Variants in QTGAL observed in about 807,000 individuals in gnomAD.
QTGAL encodes the protein queuosine-tRNA galactosyltransferase, also known as BGnT-like protein 1.
At chr17:83,050,236 G>T in the QTGAL span, among the ~76,000 whole-genome samples, 35,511 of 152,072 alleles carry the variant, frequency 0.23, 4,595 homozygotes, top group East Asian at 0.39. Context: ...CTGGTGTGGT[G>T]GTGCATGCCT....
At chr17:83,019,273 A>T in the QTGAL span, among the ~76,000 whole-genome samples, 1 of 152,206 alleles carries the variant, frequency 6.6e-6, no homozygotes, top group Non-Finnish European at 1.5e-5. Context: ...CTCCACAGAG[A>T]ACGGTTCAAA....
chr17:83,046,032 C>T, the QTGAL span, among the ~76,000 whole-genome samples: 20 of 152,128 alleles, frequency 1.3e-4, no homozygotes, highest in African/African-American at 4.8e-4. Context: ...CCATGTTGGG[C>T]AGCTTGGTCT....
At chr17:82,994,639 C>A in the QTGAL span, among the ~76,000 whole-genome samples, 4 of 152,122 alleles carry the variant, frequency 2.6e-5, no homozygotes, top group African/African-American at 9.7e-5. Context: ...TAATACCAAT[C>A]CTACCCAAAT....
chr17:83,008,217 G>T, the QTGAL span, among the ~76,000 whole-genome samples: 1 of 152,202 alleles, frequency 6.6e-6, no homozygotes, highest in Non-Finnish European at 1.5e-5. Context: ...AGGCCTGTGC[G>T]CTGGCCTGAG....
At chr17:82,945,730 C>T in the QTGAL span, 3 of 152,154 alleles carry the variant, frequency 2.0e-5, no homozygotes, top group African/African-American at 7.2e-5. Flanking sequence ...CAGCATCCCC[C>T]TACCCAGCTG....
chr17:83,009,911 G>A, the QTGAL span, among the ~76,000 whole-genome samples: 2 of 149,894 alleles, frequency 1.3e-5, no homozygotes, highest in Non-Finnish European at 1.5e-5. Flanking sequence ...CACTGCCTTG[G>A]AGTGAACGAC....
chr17:82,942,466 C>CCAGTCCTGGAGCCCATACCT, the QTGAL span: 1 of 1,613,962 alleles, frequency 6.2e-7, no homozygotes, highest in African/African-American at 1.3e-5. Flanking sequence ...CCTGCTGAAG[C>CCAGTCCTGGAGCCCATACCT]CAGTCCTGGA....
chr17:82,996,520 T>G, the QTGAL span, among the ~76,000 whole-genome samples: 1 of 63,594 alleles, frequency 1.6e-5, no homozygotes, highest in Non-Finnish European at 3.0e-5. Context: ...AGACTCTGCC[T>G]CAAAAAAAAA....
At chr17:83,046,290 T>C in the QTGAL span, among the ~76,000 whole-genome samples, 4,200 of 148,192 alleles carry the variant, frequency 0.028, 74 homozygotes, top group Non-Finnish European at 0.044. Context: ...CCACCACACC[T>C]GGCTAATTTT....
At chr17:82,997,930 A>AAAAT in the QTGAL span, among the ~76,000 whole-genome samples, 3,117 of 131,536 alleles carry the variant, frequency 0.024, 88 homozygotes, top group Admixed American at 0.091. Context: ...TAAAAAAAAA[A>AAAAT]ATATATATAT....
At chr17:83,043,198 C>T in the QTGAL span, among the ~76,000 whole-genome samples, 3 of 152,186 alleles carry the variant, frequency 2.0e-5, no homozygotes, top group Admixed American at 2.0e-4. Flanking sequence ...ACAGAATACT[C>T]CACTTGACAG....
chr17:82,942,427 G>A, the QTGAL span: 1 of 1,613,964 alleles, frequency 6.2e-7, no homozygotes, highest in Non-Finnish European at 8.5e-7. Context: ...ACCAGCCTGA[G>A]CTTGTCTTGT....
At chr17:83,048,989 G>T in the QTGAL span, 1 of 526,650 alleles carries the variant, frequency 1.9e-6, no homozygotes, top group Non-Finnish European at 3.4e-6. Context: ...TTTTGAAAGT[G>T]AAAAAAAAAC....
the QTGAL span, chr17:83,006,041 C>G: frequency 9.8e-7 from 1 of 1,022,240 alleles, no homozygotes; most frequent in Non-Finnish European, 1.2e-6. The surrounding 1 kb of genome is among the most constrained non-coding windows in gnomAD (Gnocchi z 5.8). Context: ...GGAAACAGCA[C>G]CCACCCCAAG....
At chr17:83,042,680 G>T in the QTGAL span, among the ~76,000 whole-genome samples, 1 of 148,308 alleles carries the variant, frequency 6.7e-6, no homozygotes, top group African/African-American at 2.5e-5. Context: ...TAGCAAAGTG[G>T]CAAAAGTCCT....
chr17:83,005,628 C>T, the QTGAL span: 11 of 702,806 alleles, frequency 1.6e-5, no homozygotes, highest in African/African-American at 5.2e-5. The surrounding 1 kb of genome is among the most constrained non-coding windows in gnomAD (Gnocchi z 5.6). Context: ...GTCCGCAGGC[C>T]GCCCGTCTGA....
At chr17:82,950,730 A>G in the QTGAL span, among the ~76,000 whole-genome samples, 2 of 152,184 alleles carry the variant, frequency 1.3e-5, no homozygotes, top group African/African-American at 4.8e-5. Context: ...CAAAAACACG[A>G]ACCCCTCGTA....
chr17:83,046,900 C>T, the QTGAL span, among the ~76,000 whole-genome samples: 7 of 152,150 alleles, frequency 4.6e-5, no homozygotes, highest in African/African-American at 7.2e-5. Context: ...GAAAAAGGAA[C>T]GGAGCACGAT....
At chr17:83,046,439 AG>A in the QTGAL span, among the ~76,000 whole-genome samples, 2 of 152,196 alleles carry the variant, frequency 1.3e-5, no homozygotes, top group African/African-American at 2.4e-5. Context: ...GCCTGGCCCA[AG>A]GAAGATATAT....
Sources: gnomAD v4.1 joint callset for allele counts (sites outside exome capture counted in the v4.1 genomes callset) on GRCh38, gnomAD v4.1.1 for gene constraint, Gnocchi (gnomAD v3.1) non-coding constraint, MANE v1.5 for transcripts, NCBI Gene and HGNC (gene_info 2026-07-23, HGNC 2026-07-21) for gene names.